The following BTNL8 variants were observed in gnomAD, a reference collection of about 807,000 sequenced individuals.
BTNL8 encodes butyrophilin-like protein 8.
A neutral mutation model predicts 36.1 loss-of-function variants in BTNL8; 22 were observed. The ratio of observed to expected loss-of-function variants is 0.61; its 90% CI spans 0.44 to 0.87. The LOEUF (loss-of-function observed/expected upper bound fraction) is 0.87. Among genes scored for constraint, BTNL8 ranks in the 40% least tolerant of loss-of-function variants. The pLI, the probability that BTNL8 is intolerant of heterozygous loss-of-function variation, is 0.00. For missense variants in BTNL8, 526 were observed against 616.9 expected, an observed-to-expected ratio of 0.85 and a Z score of 1.56; for synonymous variants, 203 against 235.6, an observed-to-expected ratio of 0.86 and a Z score of 1.27.
Position 180,927,377 on chromosome 5 carries a change from C to A in BTNL8, c.673+15763C>A, listed in dbSNP as rs556744331. On this transcript the variant is annotated intron_variant, in intron 3 of 7. Coordinates refer to ENST00000340184, the MANE Select transcript of BTNL8 (RefSeq NM_001040462.3). ...ATAAATCCATGAAGATGAGGAAAAA[C>A]CAGTGCAAAAAGGCTGAAAATTCCT... Among the ~76,000 whole-genome samples the A allele has an allele frequency of 7.2e-5, 11 of 152,264 alleles. No homozygotes were observed. In the East Asian group the frequency reaches 2.1e-3, roughly 29 times the overall value.
chr5:180,945,473 A>G lies in BTNL8; in HGVS notation c.674-2039A>G, dbSNP rs537322165. On this transcript the variant is annotated intron_variant, in intron 3 of 7. Transcript: ENST00000340184. ...AAAATAGACAAATGGGATTACATCA[A>G]ACTAAAAAGCTTCTGTACAGCAAAG... Among the ~76,000 whole-genome samples the G allele has an allele frequency of 9.3e-4, 141 of 152,342 alleles. 1 individual carries two copies. Among genetic ancestry groups the G allele is most frequent in the African/African-American group, 3.3e-3 (139 of 41,574 alleles).
intron 3 of BTNL8, among the ~76,000 whole-genome samples, chr5:180,913,540 T>C (rs1172462140): frequency 6.6e-6 from 1 of 152,292 alleles, no homozygotes; most frequent in East Asian, 1.9e-4. Context: ...TCAAATGATA[T>C]TAAGGGTGTA....
intron 1 of BTNL8, among the ~76,000 whole-genome samples, chr5:180,907,619 T>G (rs1473819734): frequency 6.7e-6 from 1 of 150,094 alleles, no homozygotes; most frequent in East Asian, 1.9e-4. Flanking sequence ...GAGTTTCCAG[T>G]TTTTCTGTTC....
chr5:180,929,539 A>G (rs1758266991), intron 3 of BTNL8, among the ~76,000 whole-genome samples: 1 of 142,292 alleles, frequency 7.0e-6, no homozygotes, highest in South Asian at 2.1e-4. Flanking sequence ...GTTTTTTGAA[A>G]AGATTAACAA....
rs1360812520 is a variant in BTNL8 at position 180,949,597 on chromosome 5, G to T, written c.863-307G>T. ...TCAGGCAGAAAATTCTGAGTGGGAG[G>T]AAGTTAGATAGTGGGGTCCCTCCAG... On this transcript the variant is annotated intron_variant, in intron 7 of 7. Transcript: ENST00000340184. The T allele has an allele frequency of 2.1e-5, 11 of 526,802 alleles. 2 individuals are homozygous for T. The highest frequency in any genetic ancestry group is 1.3e-5 in the Non-Finnish European group (4 of 298,584). The allele number at this position is 526,802 out of a possible 1,614,324, so 32.6% of individuals were successfully genotyped here.
chr5:180,931,996 GAC>G (rs1440408503), intron 3 of BTNL8, among the ~76,000 whole-genome samples: 1 of 152,160 alleles, frequency 6.6e-6, no homozygotes, highest in East Asian at 1.9e-4. Flanking sequence ...CTACTATAAA[GAC>G]ACATGCACAC....
chr5:180,943,906 A>G (rs563781364), intron 3 of BTNL8, among the ~76,000 whole-genome samples: 1 of 152,388 alleles, frequency 6.6e-6, no homozygotes, highest in South Asian at 2.1e-4. Flanking sequence ...ATTCAGTAAT[A>G]AAAAGAGTGA....
In BTNL8 at chr5:180,906,886, A is replaced by T. The variant is rs927929416; in HGVS notation, c.50-1700A>T. 4.3e-5 allele frequency among the ~76,000 whole-genome samples: 4 copies of T among 92,748 alleles called. 2 individuals carry two copies. Among genetic ancestry groups the T allele is most frequent in the African/African-American group, 2.8e-4 (4 of 14,386 alleles). 60.8% of individuals were successfully genotyped at this position (92,748 alleles called of 152,430 possible). A position where few individuals can be genotyped will look rare whatever the true frequency, so the allele number is the denominator to read the frequency against. Reference sequence around the variant, plus strand: ...TCTGGCTTGTAGGGTTTCTGCCGAGAGATCCGCTGTTAGTCTGATGGGCTT... The same window carrying T: ...TCTGGCTTGTAGGGTTTCTGCCGAGTGATCCGCTGTTAGTCTGATGGGCTT... On this transcript the variant is annotated intron_variant, in intron 1 of 7. Coordinates refer to ENST00000340184, the MANE Select transcript of BTNL8 (RefSeq NM_001040462.3).
At chr5:180,945,013 A>C (rs2113862608) in intron 3 of BTNL8, among the ~76,000 whole-genome samples, 1 of 152,338 alleles carries the variant, frequency 6.6e-6, no homozygotes, top group South Asian at 2.1e-4. Flanking sequence ...TCAAATAGCC[A>C]AAGCAATCTT....
intron 3 of BTNL8, among the ~76,000 whole-genome samples, chr5:180,942,190 AC>A (rs1233984416): frequency 6.6e-6 from 1 of 152,214 alleles, no homozygotes; most frequent in African/African-American, 2.4e-5. Context: ...AGTATCATTT[AC>A]AATAGCTACA....
intron 3 of BTNL8, 118 bp from the exon 4 acceptor site, chr5:180,947,394 G>A: frequency 3.0e-6 from 4 of 1,343,158 alleles, no homozygotes; most frequent in Admixed American, 4.3e-5. Context: ...TAAGCCTATA[G>A]GAGAATTTAT....
chr5:180,947,820 C>G (rs920777889), intron 4 of BTNL8, 195 bp downstream of exon 4: 1 of 1,548,190 alleles, frequency 6.5e-7, no homozygotes, highest in Non-Finnish European at 8.8e-7. Context: ...ACGACAGCCC[C>G]TTGCTACTTC....
intron 3 of BTNL8, among the ~76,000 whole-genome samples, chr5:180,927,725 T>C (rs867775790): frequency 6.6e-6 from 1 of 151,876 alleles, no homozygotes; most frequent in Admixed American, 6.6e-5. Flanking sequence ...TGGAAGACAA[T>C]GATATCAGAA....
Position 180,950,323 on chromosome 5 carries a change from C to A in BTNL8, c.1282C>A (p.Leu428Ile), listed in dbSNP as rs761804981. 8 of 1,463,650 alleles carry A rather than the reference C, an allele frequency of 5.5e-6. 1 individual carries two copies. In the South Asian group the frequency reaches 7.8e-5, roughly 14 times the overall value. The allele number at this position is 1,463,650 out of a possible 1,614,324, so 90.7% of individuals were successfully genotyped here. Residue 428 changes from leucine (L) to isoleucine (I), a missense_variant, in exon 8 of 8, where the codon CTT becomes ATT. Leu to Ile is a conservative substitution (Grantham distance 5). This residue lies in a region of BTNL8 where 176 missense variants were observed against 292.3 expected (regional missense o/e 0.60). Transcript: ENST00000340184. ...ISFFNINDQS[L>I]IYTLTCRFEG... is the part of the protein sequence containing the mutation. ...CTTCTTCAACATAAATGACCAGTCC[C>A]TTATTTATACCCTGACATGTCGGTT...
chr5:180,914,411 T>C lies in BTNL8; in HGVS notation c.673+2797T>C, dbSNP rs1757533280. Among the ~76,000 whole-genome samples the C allele has an allele frequency of 1.3e-5, 2 of 152,194 alleles. 1 individual carries two copies. The highest frequency in any genetic ancestry group is 4.1e-4 in the South Asian group (2 of 4,834). On this transcript the variant is annotated intron_variant, in intron 3 of 7. Coordinates refer to ENST00000340184, the MANE Select transcript of BTNL8 (RefSeq NM_001040462.3). ...CTATGAGAAATACATTTCTATTGTT[T>C]ACAAATGAGCCAGTCTGTAGTATTT...
At chr5:180,940,676 G>A (rs1040138788) in intron 3 of BTNL8, among the ~76,000 whole-genome samples, 5 of 152,210 alleles carry the variant, frequency 3.3e-5, no homozygotes, top group African/African-American at 1.2e-4. Flanking sequence ...GAAAAAAAGA[G>A]AGAAGATCCA....
intron 3 of BTNL8, among the ~76,000 whole-genome samples, chr5:180,945,053 T>C (rs1278287874): frequency 6.6e-6 from 1 of 152,218 alleles, no homozygotes; most frequent in Non-Finnish European, 1.5e-5. Flanking sequence ...AGAGTCACAA[T>C]ACTCTGATTT....
At chr5:180,932,348 A>T (rs746883701) in intron 3 of BTNL8, among the ~76,000 whole-genome samples, 6 of 152,188 alleles carry the variant, frequency 3.9e-5, no homozygotes, top group Non-Finnish European at 5.9e-5. Flanking sequence ...CATAACTTTA[A>T]GTATAATTAT....
rs531451419 is a variant in BTNL8, at chr5:180,921,318, T to C, written c.673+9704T>C. Among the ~76,000 whole-genome samples the C allele has an allele frequency of 2.2e-4, 33 of 152,130 alleles. No individual in the cohort carries two copies. In the South Asian group the frequency reaches 6.6e-3, roughly 31 times the overall value. On this transcript the variant is annotated intron_variant, in intron 3 of 7. Transcript: ENST00000340184. ...ATGAATGGATTTAAAAAGTGACATATGTAATGAAATATTACTCAACAATAA... is the reference window on the plus strand; with the variant it reads ...ATGAATGGATTTAAAAAGTGACATACGTAATGAAATATTACTCAACAATAA...
Sources: gnomAD v4.1 joint callset for allele counts (sites outside exome capture counted in the v4.1 genomes callset) on GRCh38, gnomAD v4.1.1 for gene constraint, gnomAD v4.1.1 regional missense constraint, MANE v1.5 for transcripts, NCBI Gene and HGNC (gene_info 2026-07-23, HGNC 2026-07-21) for gene names.